The following TOX variants were observed in gnomAD, a reference collection of about 807,000 sequenced individuals.
TOX encodes the protein thymocyte selection associated high mobility group box, also known as thymocyte selection-associated high mobility group box protein TOX.
A neutral mutation model predicts 53.7 loss-of-function variants in TOX; 11 were observed. The ratio of observed to expected loss-of-function variants is 0.20; its 90% CI spans 0.13 to 0.34. The LOEUF is 0.34. TOX is among the 10% of genes least tolerant of loss of function. The pLI, the probability that TOX is intolerant of heterozygous loss-of-function variation, is 1.00. For missense variants in TOX, 570 were observed against 664.6 expected (o/e 0.86, Z 1.56); for synonymous variants, 225 against 245.3 (o/e 0.92, Z 0.77).
chr8:58,844,477 T>C (rs1211558281), intron 4 of TOX, among the ~76,000 whole-genome samples: 1 of 152,092 alleles, frequency 6.6e-6, no homozygotes, highest in Non-Finnish European at 1.5e-5. Flanking sequence ...GAAGAAACCA[T>C]ATAATGCACA....
intron 1 of TOX, among the ~76,000 whole-genome samples, chr8:58,964,385 T>C (rs1812854925): frequency 6.6e-6 from 1 of 151,642 alleles, no homozygotes; most frequent in African/African-American, 2.4e-5. Context: ...GTGAGAAGAG[T>C]AAGCCAAGAT....
chr8:58,811,288 G>C lies in TOX; in HGVS notation c.1393-3019C>G, dbSNP rs1280818360. On this transcript the variant is annotated intron_variant, in intron 7 of 8. Transcript: ENST00000361421. ...TGAATATTTTGCATTTTAATACTCA[G>C]GAGAAAAATCACCAACTGTTTTGTA... Among the ~76,000 whole-genome samples, 6 of 152,136 alleles carry C rather than the reference G, an allele frequency of 3.9e-5. 1 individual carries two copies. Among genetic ancestry groups the C allele is most frequent in the African/African-American group, 9.7e-5 (4 of 41,432 alleles).
intron 1 of TOX, among the ~76,000 whole-genome samples, chr8:59,074,127 C>T (rs1332860562): frequency 1.3e-5 from 2 of 152,128 alleles, no homozygotes; most frequent in African/African-American, 2.4e-5. Flanking sequence ...ATAAATCTGT[C>T]GGCAAACATG....
chr8:58,925,415 G>A (rs960200402), intron 3 of TOX, among the ~76,000 whole-genome samples: 2 of 152,196 alleles, frequency 1.3e-5, no homozygotes, highest in East Asian at 1.9e-4. Context: ...AGGGAAGGAC[G>A]GGGTCCCATC....
intron 1 of TOX, among the ~76,000 whole-genome samples, chr8:59,101,403 T>C (rs1179462897): frequency 1.3e-5 from 2 of 152,214 alleles, no homozygotes; most frequent in African/African-American, 4.8e-5. Flanking sequence ...ACCAACCCTA[T>C]GGCAAATGTT....
At chr8:58,847,844 A>C (rs1274782210) in intron 4 of TOX, among the ~76,000 whole-genome samples, 1 of 152,136 alleles carries the variant, frequency 6.6e-6, no homozygotes, top group African/African-American at 2.4e-5. Flanking sequence ...GTGAAATAAT[A>C]TAATATCTTC....
intron 3 of TOX, among the ~76,000 whole-genome samples, chr8:58,856,421 G>C (rs1483000128): frequency 1.3e-5 from 2 of 152,136 alleles, no homozygotes; most frequent in Non-Finnish European, 1.5e-5. Flanking sequence ...AATATTTGCT[G>C]TGTCAGTGTG....
intron 1 of TOX, among the ~76,000 whole-genome samples, chr8:59,081,313 T>C (rs440014): frequency 0.84 from 128,494 of 152,176 alleles, 54,738 homozygotes; most frequent in East Asian, 0.96. Context: ...AGGAGTCAGC[T>C]GCTGTGCCGG....
chr8:59,113,825 G>C (rs1220371648), intron 1 of TOX, among the ~76,000 whole-genome samples: 6 of 152,120 alleles, frequency 3.9e-5, no homozygotes, highest in Non-Finnish European at 7.4e-5. Context: ...AAACAGAATA[G>C]GAAGAATCAT....
chr8:58,986,171 A>G lies in TOX; in HGVS notation c.103-26163T>C, dbSNP rs182641745. ...TTACTGATGGAGAAACAGACAGGAC[A>G]GAGAGGGCACTTAGGGAAGTACTCA... is the stretch of plus-strand genomic sequence containing the variant. On this transcript the variant is annotated intron_variant, in intron 1 of 8. Coordinates refer to ENST00000361421, the MANE Select transcript of TOX (RefSeq NM_014729.3). Among the ~76,000 whole-genome samples the G allele has an allele frequency of 5.9e-5, 9 of 152,344 alleles. No homozygotes were observed. The East Asian group carries it at 1.7e-3, about 29-fold the overall frequency.
At chr8:59,068,138 A>G (rs1354586275) in intron 1 of TOX, among the ~76,000 whole-genome samples, 1 of 152,218 alleles carries the variant, frequency 6.6e-6, no homozygotes, top group Non-Finnish European at 1.5e-5. Context: ...AAATTCTTGC[A>G]TATTTAGCAT....
chr8:58,988,869 C>T (rs1284043980), intron 1 of TOX, among the ~76,000 whole-genome samples: 1 of 152,194 alleles, frequency 6.6e-6, no homozygotes, highest in Non-Finnish European at 1.5e-5. Flanking sequence ...TCTTCTGCAA[C>T]TGTGAGACTT....
intron 3 of TOX, among the ~76,000 whole-genome samples, chr8:58,934,681 A>G (rs1447092047): frequency 6.6e-6 from 1 of 152,186 alleles, no homozygotes; most frequent in Non-Finnish European, 1.5e-5. Flanking sequence ...TTTTTGACAG[A>G]TGTGAAGATT....
intron 3 of TOX, among the ~76,000 whole-genome samples, chr8:58,886,850 T>G (rs1811477093): frequency 6.6e-6 from 1 of 151,894 alleles, no homozygotes; most frequent in East Asian, 1.9e-4. Flanking sequence ...TTATGTTTAT[T>G]TTTATTTTAT....
chr8:58,875,653 T>G (rs572618256), intron 3 of TOX, among the ~76,000 whole-genome samples: 3 of 152,324 alleles, frequency 2.0e-5, no homozygotes, highest in African/African-American at 7.2e-5. Flanking sequence ...CTTTGAAATT[T>G]TGGTGATATT....
intron 3 of TOX, among the ~76,000 whole-genome samples, chr8:58,858,710 C>T (rs1474984104): frequency 6.6e-6 from 1 of 152,194 alleles, no homozygotes; most frequent in African/African-American, 2.4e-5. Context: ...ATAAGGAGAC[C>T]CTGCTGGCTT....
intron 1 of TOX, among the ~76,000 whole-genome samples, chr8:59,038,678 C>A (rs150953343): frequency 6.6e-6 from 1 of 152,308 alleles, no homozygotes; most frequent in East Asian, 1.9e-4. Context: ...TTTGCTATCT[C>A]CCCAGGCTCG....
At chr8:58,914,446 C>A (rs1231087362) in intron 3 of TOX, among the ~76,000 whole-genome samples, 2 of 151,976 alleles carry the variant, frequency 1.3e-5, no homozygotes, top group African/African-American at 4.8e-5. Context: ...CCACATTGAC[C>A]AAAATTGTCT....
At chr8:59,011,801 C>A (rs1359806683) in intron 1 of TOX, among the ~76,000 whole-genome samples, 1 of 152,138 alleles carries the variant, frequency 6.6e-6, no homozygotes, top group Non-Finnish European at 1.5e-5. Flanking sequence ...TATCCTATTG[C>A]CTGGTACACT....
Sources: allele counts gnomAD v4.1 joint callset (sites outside exome capture counted in the v4.1 genomes callset), GRCh38; gene constraint gnomAD v4.1.1; transcripts MANE v1.5; gene names NCBI Gene and HGNC (gene_info 2026-07-23, HGNC 2026-07-21).